SNRNP70: variants seen among roughly 807,000 people sequenced by gnomAD.
The protein encoded by SNRNP70 is small nuclear ribonucleoprotein U1 subunit 70.
A neutral mutation model predicts 50.5 loss-of-function variants in SNRNP70; 8 were observed. The observed-to-expected ratio is 0.16, with a 90% CI of 0.09 to 0.29. The LOEUF (loss-of-function observed/expected upper bound fraction) is 0.29. Among genes scored for constraint, SNRNP70 ranks in the 10% least tolerant of loss-of-function variants. The pLI is 1.00. For synonymous variants in SNRNP70, 320 were observed against 252.9 expected (o/e 1.27, Z -2.52); for missense variants, 529 against 663.5 (o/e 0.80, Z 2.23).
At position 49,104,282 on chromosome 19, in the gene SNRNP70, A is replaced by C; in HGVS notation, c.476-352A>C. The C allele has an allele frequency of 4.1e-6, 1 of 246,584 alleles. No individual in the cohort carries two copies. Among genetic ancestry groups the C allele is most frequent in the Non-Finnish European group, 8.0e-6 (1 of 125,432 alleles). The allele number at this position is 246,584 out of a possible 1,614,324, so 15.3% of individuals were successfully genotyped here. On this transcript the variant is annotated intron_variant, in intron 7 of 9. Transcript: ENST00000598441. This position sits in a 1 kb window ranked among gnomAD's most constrained non-coding sequence, Gnocchi z 5.4. Reference sequence around the variant, plus strand: ...TCCCCCACAGCAGAGTCCAGCGTGGAGTTAACCTTCAGTTTCTTTGCAGCG... The same window carrying C: ...TCCCCCACAGCAGAGTCCAGCGTGGCGTTAACCTTCAGTTTCTTTGCAGCG...
At chr19:49,093,537 G>A (rs1206156464) in intron 4 of SNRNP70, among the ~76,000 whole-genome samples, 1 of 148,602 alleles carries the variant, frequency 6.7e-6, no homozygotes, top group Non-Finnish European at 1.5e-5. Flanking sequence ...AAATTAGCCC[G>A]GCGTGGTGAT....
At chr19:49,087,694 C>A (rs1430846282) in intron 2 of SNRNP70, 2 of 152,180 alleles carry the variant, frequency 1.3e-5, no homozygotes, top group Admixed American at 6.5e-5. Context: ...TCGGAAGTTA[C>A]AAGAAGAACG....
At chr19:49,106,153 C>T (rs2040665854) in intron 8 of SNRNP70, among the ~76,000 whole-genome samples, 2 of 152,282 alleles carry the variant, frequency 1.3e-5, no homozygotes, top group Non-Finnish European at 2.9e-5. Context: ...AGCCTCGGAG[C>T]TTACCAGGCA....
Position 49,107,859 on chromosome 19 carries a change from C to T in SNRNP70, c.730C>T (p.Arg244Trp), listed in dbSNP as rs1600296031. The change falls in exon 10 of 10, where the codon CGG (arginine) becomes TGG (tryptophan). Residue 244 changes from arginine to tryptophan, a missense_variant. Arg to Trp is a moderately radical substitution (Grantham distance 101). This residue lies in a region of SNRNP70 where 53 missense variants were observed against 78.6 expected (regional missense o/e 0.67). Coordinates refer to ENST00000598441, the MANE Select transcript of SNRNP70 (RefSeq NM_003089.6). This position sits in a 1 kb window ranked among gnomAD's most constrained non-coding sequence, Gnocchi z 6.0. ...DRDRERERRE[R>W]SRERDKERER... ...GGACCGTGAGCGGGAGCGCAGAGAG[C>T]GGAGCCGGGAGCGAGACAAGGAGCG... The T allele has an allele frequency of 1.5e-5, 23 of 1,559,768 alleles. No individual in the cohort carries two copies. The highest frequency in any genetic ancestry group is 1.9e-5 in the Admixed American group (1 of 52,004).
chr19:49,086,657 A>G, intron 2 of SNRNP70, 96 bp downstream of exon 2: 3 of 1,175,300 alleles, frequency 2.6e-6, no homozygotes, highest in Non-Finnish European at 3.8e-6. Context: ...CAGCTGCGTG[A>G]TTTAAGCGAG....
chr19:49,085,696 C>T (rs2040368334), intron 1 of SNRNP70, 60 bp downstream of exon 1: 1 of 453,740 alleles, frequency 2.2e-6, no homozygotes, highest in Admixed American at 2.4e-5. Context: ...GAAGCCCCAG[C>T]GGTGGGCCCG....
At position 49,107,243 on chromosome 19, in the gene SNRNP70, C is replaced by T. The variant is rs895277072; in HGVS notation, c.578-382C>T. On this transcript the variant is annotated intron_variant, in intron 8 of 9. Transcript: ENST00000598441. The surrounding 1 kb of genome is among the most constrained non-coding windows in gnomAD (Gnocchi z 6.0). ...GGAGTTTGGACCTTAGGCTGGGGGA[C>T]GCCAGCAAAGGCTTCTAAGCAGATC... Among the ~76,000 whole-genome samples the T allele has an allele frequency of 2.6e-5, 4 of 152,162 alleles. No homozygotes were observed. Among genetic ancestry groups the T allele is most frequent in the African/African-American group, 9.7e-5 (4 of 41,428 alleles).
intron 2 of SNRNP70, among the ~76,000 whole-genome samples, chr19:49,087,379 G>T (rs2040395626): frequency 6.6e-6 from 1 of 152,092 alleles, no homozygotes; most frequent in South Asian, 2.1e-4. Context: ...TATAATGTTG[G>T]TGGAGAATTA....
chr19:49,104,734 A>G lies in SNRNP70; in HGVS notation c.576A>G (p.Leu192=). 6.5e-7 allele frequency: 1 copy of G among 1,541,484 alleles called. No homozygotes were observed. Among genetic ancestry groups the G allele is most frequent in the East Asian group, 2.5e-5 (1 of 40,328 alleles). ...RTVKGWRPRR[L]GGGLGGTRRG... is the part of the protein sequence containing the mutation. ...TGAAGGGCTGGAGGCCCCGGCGGCT[A>G]GGTGAGCACATCCTGCCTTCGACGG... The change falls in exon 8 of 10, where the codon CTA becomes CTG. Residue 192 remains leucine, a splice_region_variant and synonymous_variant. Transcript: ENST00000598441. This position sits in a 1 kb window ranked among gnomAD's most constrained non-coding sequence, Gnocchi z 5.4.
intron 4 of SNRNP70, among the ~76,000 whole-genome samples, chr19:49,093,306 G>A (rs1006604856): frequency 5.3e-5 from 8 of 151,844 alleles, no homozygotes; most frequent in Non-Finnish European, 1.2e-4. Context: ...GGCTGTTCTC[G>A]AACTCCCGAC....
chr19:49,085,881 A>G (rs956661612), intron 1 of SNRNP70, among the ~76,000 whole-genome samples: 1 of 151,876 alleles, frequency 6.6e-6, no homozygotes, highest in South Asian at 2.1e-4. Flanking sequence ...TCGTTTGTCT[A>G]TGTTGTCCTG....
At chr19:49,086,657 A>T (rs779036021) in intron 2 of SNRNP70, 96 bp downstream of exon 2, 7 of 1,175,182 alleles carry the variant, frequency 6.0e-6, no homozygotes, top group Admixed American at 5.3e-5. Flanking sequence ...CAGCTGCGTG[A>T]TTTAAGCGAG....
intron 2 of SNRNP70, among the ~76,000 whole-genome samples, chr19:49,089,533 C>T (rs1433244991): frequency 3.3e-5 from 5 of 151,772 alleles, no homozygotes; most frequent in Non-Finnish European, 7.4e-5. Flanking sequence ...AGTCAGTGGA[C>T]ATCAAATTGT....
At chr19:49,105,886 A>G (rs2040661075) in intron 8 of SNRNP70, among the ~76,000 whole-genome samples, 1 of 152,130 alleles carries the variant, frequency 6.6e-6, no homozygotes, top group Non-Finnish European at 1.5e-5. Flanking sequence ...CCAGCTTTAC[A>G]CTCAGTCCTG....
At chr19:49,086,939 A>G (rs2040388610) in intron 2 of SNRNP70, among the ~76,000 whole-genome samples, 1 of 151,886 alleles carries the variant, frequency 6.6e-6, no homozygotes, top group Admixed American at 6.6e-5. Flanking sequence ...TAATCCCAGT[A>G]CTTTGGGAGA....
intron 4 of SNRNP70, 91 bp from the exon 5 acceptor site, chr19:49,098,336 G>C: frequency 1.8e-6 from 2 of 1,081,838 alleles, no homozygotes; most frequent in South Asian, 2.9e-5. Context: ...CAATGCCACC[G>C]TTTTCTTCTT....
Position 49,107,928 on chromosome 19 carries a change from C to T in SNRNP70, c.799C>T (p.Arg267Trp). ...CTCCCGGGACCGGCGGAGGCGCTCACGGAGTCGCGACAAGGAGGAGCGGAG... is the reference window on the plus strand; with the variant it reads ...CTCCCGGGACCGGCGGAGGCGCTCATGGAGTCGCGACAAGGAGGAGCGGAG... ...SRSRDRRRRS[R>W]SRDKEERRRS... The change falls in exon 10 of 10, where the codon CGG (arginine) becomes TGG (tryptophan). Residue 267 changes from arginine (R) to tryptophan (W), a missense_variant. Physicochemically the swap from Arg to Trp is moderately radical, Grantham distance 101. This residue lies in a region of SNRNP70 where 327 missense variants were observed against 308.8 expected (regional missense o/e 1.06). Transcript: ENST00000598441. The surrounding 1 kb of genome is among the most constrained non-coding windows in gnomAD (Gnocchi z 6.0). The T allele has an allele frequency of 3.9e-6, 6 of 1,547,482 alleles. No individual in the cohort carries two copies. The highest frequency in any genetic ancestry group is 2.4e-5 in the East Asian group (1 of 40,824).
At chr19:49,105,762 C>T (rs934617212) in intron 8 of SNRNP70, among the ~76,000 whole-genome samples, 3 of 151,884 alleles carry the variant, frequency 2.0e-5, no homozygotes, top group Non-Finnish European at 2.9e-5. Context: ...AAAACTGGGG[C>T]GACCCACCTG....
intron 1 of SNRNP70, 83 bp from the exon 2 acceptor site, chr19:49,086,319 TTTC>T: frequency 7.0e-7 from 1 of 1,428,410 alleles, no homozygotes; most frequent in Non-Finnish European, 9.5e-7. Context: ...TTCTCCTGTC[TTTC>T]TTATTTTGAG....
Sources: gnomAD v4.1 joint callset for allele counts (sites outside exome capture counted in the v4.1 genomes callset) on GRCh38, gnomAD v4.1.1 for gene constraint, gnomAD v4.1.1 regional missense constraint, Gnocchi (gnomAD v3.1) non-coding constraint, MANE v1.5 for transcripts, NCBI Gene and HGNC (gene_info 2026-07-23, HGNC 2026-07-21) for gene names.